CARMIL1: variants seen among roughly 807,000 people sequenced by gnomAD.
The protein encoded by CARMIL1 is capping protein regulator and myosin 1 linker 1.
CARMIL1 carries 90 observed loss-of-function variants against 177.1 expected under a neutral mutation model. That is an observed-to-expected ratio of 0.51 (90% confidence interval 0.43 to 0.61). CARMIL1 has a LOEUF of 0.61. CARMIL1 is among the 20% of genes least tolerant of loss of function. CARMIL1 has a pLI of 0.00. For missense variants in CARMIL1, 1,380 were observed against 1,667.0 expected, an observed-to-expected ratio of 0.83 and a Z score of 3.00; for synonymous variants, 577 against 606.2, an observed-to-expected ratio of 0.95 and a Z score of 0.71.
rs376148202 is a variant in CARMIL1 at position 25,438,758 on chromosome 6, G to T, written c.371+3154G>T. On this transcript the variant is annotated intron_variant, in intron 5 of 36. Coordinates refer to ENST00000329474, the MANE Select transcript of CARMIL1 (RefSeq NM_017640.6). The stretch of plus-strand genomic sequence containing the variant: ...GTAGATGTAGTTGATGTAGAGCCTC[G>T]TGGGAAAGAGGTTGGGATTTAGTAG... 1.4e-4 allele frequency among the ~76,000 whole-genome samples: 22 copies of T among 152,282 alleles called. No individual in the cohort carries two copies. The East Asian group carries it at 3.1e-3, about 21-fold the overall frequency.
chr6:25,477,852 CTTTTTTTTTTTT>C (rs56068417), intron 11 of CARMIL1, among the ~76,000 whole-genome samples: 26 of 98,022 alleles, frequency 2.7e-4, no homozygotes, highest in African/African-American at 1.0e-3. Flanking sequence ...CTTCTCATCA[CTTTTTTTTTTTT>C]TTTTTTTTTG....
chr6:25,477,893 T>C (rs1801726148), intron 11 of CARMIL1, among the ~76,000 whole-genome samples: 1 of 147,612 alleles, frequency 6.8e-6, no homozygotes, highest in Non-Finnish European at 1.5e-5. Context: ...TCTCACTCTG[T>C]TGCCCAGGCT....
intron 29 of CARMIL1, among the ~76,000 whole-genome samples, chr6:25,569,012 A>C (rs1582392495): frequency 6.6e-6 from 1 of 152,236 alleles, no homozygotes; most frequent in East Asian, 1.9e-4. Context: ...CCAACTTTTC[A>C]TTATACCTTG....
chr6:25,528,813 C>T lies in CARMIL1; in HGVS notation c.1987C>T (p.Arg663Ter), dbSNP rs752969526. ...TTTCCAGATAGAAAACTACCTGCTACGAAATCACGAGACTAGAAAATACCT... is the reference window on the plus strand; with the variant it reads ...TTTCCAGATAGAAAACTACCTGCTATGAAATCACGAGACTAGAAAATACCT... ...ALQKIENYLL[R>*]NHETRKYLQE... Residue 663 changes from arginine (R) to a stop codon, truncating the protein, a stop_gained, in exon 24 of 37, where the codon CGA (arginine) becomes TGA (stop). Transcript: ENST00000329474. LOFTEE classifies it high-confidence loss of function. The T allele has an allele frequency of 6.9e-6, 11 of 1,605,826 alleles. No individual in the cohort carries two copies. The highest frequency in any genetic ancestry group is 6.8e-6 in the Non-Finnish European group (8 of 1,175,930).
At chr6:25,337,483 C>G (rs1195990955) in intron 2 of CARMIL1, among the ~76,000 whole-genome samples, 1 of 152,178 alleles carries the variant, frequency 6.6e-6, no homozygotes. Flanking sequence ...TAGACCAACT[C>G]TAAAAAATTG....
intron 11 of CARMIL1, among the ~76,000 whole-genome samples, chr6:25,478,810 A>G (rs1032039572): frequency 3.3e-5 from 5 of 151,472 alleles, no homozygotes; most frequent in Non-Finnish European, 4.4e-5. Flanking sequence ...AAAAAAAAAA[A>G]GGGCATAGAT....
At chr6:25,409,016 A>G (rs1168097579) in intron 2 of CARMIL1, among the ~76,000 whole-genome samples, 1 of 152,164 alleles carries the variant, frequency 6.6e-6, no homozygotes, top group Non-Finnish European at 1.5e-5. Flanking sequence ...GAGGTTAGGT[A>G]GTTGATAAAT....
At chr6:25,555,612 T>G (rs1348669646) in intron 28 of CARMIL1, among the ~76,000 whole-genome samples, 2 of 151,984 alleles carry the variant, frequency 1.3e-5, no homozygotes, top group African/African-American at 2.4e-5. Context: ...GTGAAATCCT[T>G]TCTCAGTCTC....
intron 2 of CARMIL1, among the ~76,000 whole-genome samples, chr6:25,340,777 GTTTTTTTTTTTT>G (rs34928775): frequency 1.9e-4 from 16 of 86,162 alleles, no homozygotes; most frequent in East Asian, 8.2e-4. Flanking sequence ...GTCAATGAAG[GTTTTTTTTTTTT>G]TTTTTTTTTT....
intron 1 of CARMIL1, among the ~76,000 whole-genome samples, chr6:25,282,495 A>G (rs1346505957): frequency 6.6e-6 from 1 of 151,952 alleles, no homozygotes; most frequent in Non-Finnish European, 1.5e-5. Flanking sequence ...TTATGCGTAC[A>G]CTGTCTTTTT....
chr6:25,451,986 G>GCT, intron 8 of CARMIL1: 5 of 112,668 alleles, frequency 4.4e-5, no homozygotes, highest in South Asian at 2.1e-4. Flanking sequence ...CTAGCATCTT[G>GCT]CCCCCCCCTC....
chr6:25,281,172 A>G (rs1280292466), intron 1 of CARMIL1, among the ~76,000 whole-genome samples: 1 of 148,874 alleles, frequency 6.7e-6, no homozygotes, highest in Non-Finnish European at 1.5e-5. Flanking sequence ...ACACACACGC[A>G]CCTCTCATCA....
In CARMIL1 at chr6:25,386,305, T is replaced by C. The variant is rs147362437; in HGVS notation, c.139-33809T>C. Among the ~76,000 whole-genome samples the C allele has an allele frequency of 3.9e-5, 6 of 152,166 alleles. No homozygotes were observed. In the East Asian group the frequency reaches 1.2e-3, roughly 29 times the overall value. ...TCTTGCTCTGTCGCCCAGGCTGGAG[T>C]GCAGAGGCTCAATCTTGGCTCACTG... On this transcript the variant is annotated intron_variant, in intron 2 of 36. Coordinates refer to ENST00000329474, the MANE Select transcript of CARMIL1 (RefSeq NM_017640.6).
intron 2 of CARMIL1, among the ~76,000 whole-genome samples, chr6:25,311,182 C>T (rs1001040673): frequency 8.6e-5 from 13 of 151,766 alleles, no homozygotes; most frequent in African/African-American, 3.1e-4. Context: ...ACTCTTGTCT[C>T]AAAACAAAAC....
At chr6:25,568,505 G>A (rs918197979) in intron 29 of CARMIL1, among the ~76,000 whole-genome samples, 6 of 152,114 alleles carry the variant, frequency 3.9e-5, no homozygotes, top group African/African-American at 1.2e-4. Context: ...ATTGGGGTAT[G>A]TGATCATTTC....
At chr6:25,351,748 G>A (rs1039158440) in intron 2 of CARMIL1, among the ~76,000 whole-genome samples, 2 of 152,030 alleles carry the variant, frequency 1.3e-5, no homozygotes, top group African/African-American at 2.4e-5. Flanking sequence ...CCTGAGCCTC[G>A]TTGTCCTCCT....
At position 25,593,325 on chromosome 6, in the gene CARMIL1, A is replaced by G. The variant is rs185492220; in HGVS notation, c.3007-1090A>G. Among the ~76,000 whole-genome samples the G allele has an allele frequency of 1.8e-4, 27 of 152,228 alleles. No homozygotes were observed. In the East Asian group the frequency reaches 4.8e-3, roughly 27 times the overall value. On this transcript the variant is annotated intron_variant, in intron 31 of 36. Transcript: ENST00000329474. ...CTACTTATATTCTCTGGCGTCTCCA[A>G]TTGGTCCTTCATACTGCCCCAGAAT...
At chr6:25,557,997 A>T (rs972089799) in intron 29 of CARMIL1, among the ~76,000 whole-genome samples, 8 of 152,222 alleles carry the variant, frequency 5.3e-5, no homozygotes, top group African/African-American at 1.9e-4. Context: ...ATATAATTAT[A>T]TAAACCTGCA....
chr6:25,309,552 G>T (rs1254567636), intron 2 of CARMIL1, among the ~76,000 whole-genome samples: 1 of 150,164 alleles, frequency 6.7e-6, no homozygotes, highest in Non-Finnish European at 1.5e-5. Context: ...ATCCTTCTCA[G>T]CCCTTGGCAA....
Sources: allele counts gnomAD v4.1 joint callset (sites outside exome capture counted in the v4.1 genomes callset), GRCh38; gene constraint gnomAD v4.1.1; transcripts MANE v1.5; gene names NCBI Gene and HGNC (gene_info 2026-07-23, HGNC 2026-07-21).